Variants in DRC11 observed in about 807,000 individuals in gnomAD.
DRC11 encodes the protein IQ and AAA domain-containing protein 1.
chr2:236,357,336 GAATATA>G, the DRC11 span, among the ~76,000 whole-genome samples: 20 of 101,684 alleles, frequency 2.0e-4, no homozygotes, highest in Admixed American at 1.1e-4. Flanking sequence ...ATTCATATAT[GAATATA>G]TATATTATAT....
chr2:236,392,114 G>A, the DRC11 span: 19 of 1,586,674 alleles, frequency 1.2e-5, no homozygotes, highest in Non-Finnish European at 1.6e-5. This position sits in a 1 kb window ranked among gnomAD's most constrained non-coding sequence, Gnocchi z 5.1. Flanking sequence ...CACTTTGCAT[G>A]TCTTGTGTTT....
At chr2:236,434,729 C>T in the DRC11 span, among the ~76,000 whole-genome samples, 1 of 152,138 alleles carries the variant, frequency 6.6e-6, no homozygotes, top group Non-Finnish European at 1.5e-5. This position sits in a 1 kb window ranked among gnomAD's most constrained non-coding sequence, Gnocchi z 5.5. Context: ...TTTCTTTTGA[C>T]TAGTATTTTT....
the DRC11 span, among the ~76,000 whole-genome samples, chr2:236,442,768 A>G: frequency 6.6e-6 from 1 of 152,204 alleles, no homozygotes; most frequent in African/African-American, 2.4e-5. Flanking sequence ...AACCTCTCCA[A>G]CTCATAGGAG....
chr2:236,408,185 C>T, the DRC11 span: 13 of 739,730 alleles, frequency 1.8e-5, no homozygotes, highest in East Asian at 1.8e-4. The surrounding 1 kb of genome is among the most constrained non-coding windows in gnomAD (Gnocchi z 5.5). Context: ...ATCAGTTTGT[C>T]GTCCTTGATA....
the DRC11 span, among the ~76,000 whole-genome samples, chr2:236,354,501 C>G: frequency 6.6e-6 from 1 of 152,116 alleles, no homozygotes. Flanking sequence ...TCCTCCCCAG[C>G]CCACTGCCCA....
chr2:236,355,509 C>T, the DRC11 span, among the ~76,000 whole-genome samples: 1 of 152,308 alleles, frequency 6.6e-6, no homozygotes, highest in South Asian at 2.1e-4. Context: ...CCACTCAAGA[C>T]TCAGGGCACT....
the DRC11 span, among the ~76,000 whole-genome samples, chr2:236,506,116 AG>A: frequency 6.6e-6 from 1 of 152,178 alleles, no homozygotes; most frequent in East Asian, 1.9e-4. This position sits in a 1 kb window ranked among gnomAD's most constrained non-coding sequence, Gnocchi z 4.9. Flanking sequence ...CACTTGATGG[AG>A]GAGAAAGAAG....
At chr2:236,474,939 T>C in the DRC11 span, among the ~76,000 whole-genome samples, 8 of 152,202 alleles carry the variant, frequency 5.3e-5, no homozygotes, top group South Asian at 2.1e-4. Flanking sequence ...AATTGGACTA[T>C]CCATCATCTC....
chr2:236,453,480 G>A, the DRC11 span, among the ~76,000 whole-genome samples: 6 of 152,058 alleles, frequency 3.9e-5, no homozygotes, highest in African/African-American at 9.7e-5. This position sits in a 1 kb window ranked among gnomAD's most constrained non-coding sequence, Gnocchi z 4.9. Flanking sequence ...AGAACAAACC[G>A]AATGGCTCTA....
chr2:236,393,600 G>C, the DRC11 span, among the ~76,000 whole-genome samples: 1 of 152,200 alleles, frequency 6.6e-6, no homozygotes, highest in Non-Finnish European at 1.5e-5. The surrounding 1 kb of genome is among the most constrained non-coding windows in gnomAD (Gnocchi z 4.7). Flanking sequence ...ATGGGAAGGA[G>C]GGGTTGAGTC....
the DRC11 span, among the ~76,000 whole-genome samples, chr2:236,478,005 T>TTGTGTG: frequency 8.4e-4 from 124 of 146,898 alleles, no homozygotes; most frequent in Middle Eastern, 6.9e-3. The surrounding 1 kb of genome is among the most constrained non-coding windows in gnomAD (Gnocchi z 5.9). Context: ...TTTTGTTGAT[T>TTGTGTG]TGTGTGTGTG....
the DRC11 span, among the ~76,000 whole-genome samples, chr2:236,460,786 G>A: frequency 6.6e-6 from 1 of 151,972 alleles, no homozygotes; most frequent in Non-Finnish European, 1.5e-5. The surrounding 1 kb of genome is among the most constrained non-coding windows in gnomAD (Gnocchi z 4.0). Context: ...ACAGAGTCTC[G>A]CTCTGTCTTC....
chr2:236,497,353 T>C, the DRC11 span: 2 of 1,613,984 alleles, frequency 1.2e-6, no homozygotes, highest in Non-Finnish European at 1.7e-6. The surrounding 1 kb of genome is among the most constrained non-coding windows in gnomAD (Gnocchi z 5.1). Context: ...GATCTGCACA[T>C]ACTTTACGTA....
At chr2:236,434,764 T>C in the DRC11 span, among the ~76,000 whole-genome samples, 2 of 152,246 alleles carry the variant, frequency 1.3e-5, no homozygotes, top group African/African-American at 4.8e-5. The surrounding 1 kb of genome is among the most constrained non-coding windows in gnomAD (Gnocchi z 5.5). Context: ...GCAATTTAGA[T>C]GTTCTACCAA....
chr2:236,377,168 T>C, the DRC11 span: 6 of 1,611,714 alleles, frequency 3.7e-6, 1 homozygote, highest in South Asian at 6.6e-5. This position sits in a 1 kb window ranked among gnomAD's most constrained non-coding sequence, Gnocchi z 4.9. Flanking sequence ...CAGTTCCTTA[T>C]ACAGAGACTC....
the DRC11 span, chr2:236,344,649 G>A: frequency 1.2e-6 from 2 of 1,610,632 alleles, no homozygotes; most frequent in African/African-American, 2.7e-5. Context: ...GCCACCTGCA[G>A]AGGAAAAGGC....
chr2:236,325,869 T>C, the DRC11 span, among the ~76,000 whole-genome samples: 25 of 152,306 alleles, frequency 1.6e-4, no homozygotes, highest in East Asian at 1.4e-3. This position sits in a 1 kb window ranked among gnomAD's most constrained non-coding sequence, Gnocchi z 4.4. Context: ...TCCCCAAGGG[T>C]AGGGATTACA....
chr2:236,349,849 C>T, the DRC11 span, among the ~76,000 whole-genome samples: 5 of 152,096 alleles, frequency 3.3e-5, no homozygotes, highest in Non-Finnish European at 7.4e-5. The surrounding 1 kb of genome is among the most constrained non-coding windows in gnomAD (Gnocchi z 5.5). Flanking sequence ...ATGTAACAAA[C>T]CTGCACACAC....
chr2:236,356,891 T>A, the DRC11 span, among the ~76,000 whole-genome samples: 5 of 133,916 alleles, frequency 3.7e-5, no homozygotes, highest in Admixed American at 1.6e-4. Context: ...TTATACTTTT[T>A]ATAATATGTA....
Sources: gnomAD v4.1 joint callset for allele counts (sites outside exome capture counted in the v4.1 genomes callset) on GRCh38, gnomAD v4.1.1 for gene constraint, Gnocchi (gnomAD v3.1) non-coding constraint, MANE v1.5 for transcripts, NCBI Gene and HGNC (gene_info 2026-07-23, HGNC 2026-07-21) for gene names.